SERPINA1: variants seen among roughly 807,000 people sequenced by gnomAD.
The protein encoded by SERPINA1 is alpha-1-antitrypsin.
Under a neutral mutation model 25.4 loss-of-function variants are expected in SERPINA1, and 21 were observed. The ratio of observed to expected loss-of-function variants is 0.83; its 90% CI spans 0.59 to 1.19. The LOEUF (loss-of-function observed/expected upper bound fraction) is 1.19. Among genes scored for constraint, SERPINA1 ranks in the 50% most tolerant of loss-of-function variants. SERPINA1 has a pLI of 0.00. For synonymous variants in SERPINA1, 218 were observed against 211.1 expected, an observed-to-expected ratio of 1.03 and a Z score of -0.29; for missense variants, 546 against 509.0, an observed-to-expected ratio of 1.07 and a Z score of -0.70.
At position 94,380,729 on chromosome 14, in the gene SERPINA1, G is replaced by A. The variant is rs1595606683; in HGVS notation, c.917+142C>T. The A allele has an allele frequency of 6.4e-6, 7 of 1,094,846 alleles. No individual in the cohort carries two copies. The East Asian group carries it at 1.7e-4, about 26-fold the overall frequency. 67.8% of individuals were successfully genotyped at this position (1,094,846 alleles called of 1,614,324 possible). On this transcript the variant is annotated intron_variant, in intron 3 of 4. Coordinates refer to ENST00000393087, the MANE Select transcript of SERPINA1 (RefSeq NM_000295.5). ...ACTCAGTGGTGGCCTCATTCTGGAA[G>A]CCAAGTTTATACAGAGTAGCAGTGA...
Position 94,383,080 on chromosome 14 carries a change from T to C in SERPINA1, c.158A>G (p.Asn53Ser), listed in dbSNP as rs758914650. 2 of 1,613,926 alleles carry C rather than the reference T, an allele frequency of 1.2e-6. No homozygotes were observed. Among genetic ancestry groups the C allele is most frequent in the African/African-American group, 1.3e-5 (1 of 74,974 alleles). Residue 53 changes from asparagine (N) to serine (S), a missense_variant, in exon 2 of 5, where the codon AAC becomes AGC. By Grantham distance (46) the Asn-to-Ser change is conservative. Coordinates refer to ENST00000393087, the MANE Select transcript of SERPINA1 (RefSeq NM_000295.5). ...TAGGCTGAAGGCGAACTCAGCCAGG[T>C]TGGGGGTGATCTTGTTGAAGGTTGG... The part of the protein sequence containing the change: ...DHPTFNKITP[N>S]LAEFAFSLYR...
upstream of SERPINA1, chr14:94,388,655 G>A (rs140228762): frequency 7.9e-5 from 12 of 152,576 alleles, no homozygotes; most frequent in East Asian, 1.7e-3. Flanking sequence ...GGGGCAACGG[G>A]GGAGGCTGCT....
chr14:94,383,472 C>G, intron 1 of SERPINA1: 1 of 582,098 alleles, frequency 1.7e-6, no homozygotes, highest in Non-Finnish European at 3.0e-6. Context: ...TCATTGCTTT[C>G]TTGTAACAAT....
intron 1 of SERPINA1, among the ~76,000 whole-genome samples, chr14:94,385,477 T>C (rs993943770): frequency 2.6e-5 from 4 of 152,232 alleles, no homozygotes; most frequent in Non-Finnish European, 5.9e-5. Flanking sequence ...TACAGGCGTG[T>C]GCCACCACGC....
chr14:94,379,559 T>C lies in SERPINA1; in HGVS notation c.970A>G (p.Lys324Glu). The change falls in exon 4 of 5, where the codon AAG becomes GAG. Residue 324 changes from lysine to glutamate, a missense_variant. Coordinates refer to ENST00000393087, the MANE Select transcript of SERPINA1 (RefSeq NM_000295.5). ...ATGCCCAGTTGACCCAGGACGCTCT[T>C]CAGATCATAGGTTCCAGTAATGGAC... ...KLSITGTYDL[K>E]SVLGQLGITK... 1 of 1,614,186 alleles carries C rather than the reference T, an allele frequency of 6.2e-7. No homozygotes were observed. Among genetic ancestry groups the C allele is most frequent in the South Asian group, 1.1e-5 (1 of 91,082 alleles).
At chr14:94,379,308 T>C in intron 4 of SERPINA1, 156 bp downstream of exon 4, 5 of 1,130,278 alleles carry the variant, frequency 4.4e-6, no homozygotes, top group Non-Finnish European at 5.3e-6. Context: ...TTTGACCACG[T>C]CCCGTGTCAG....
At position 94,378,330 on chromosome 14, in the gene SERPINA1, A is replaced by C; in HGVS notation, c.*119T>G. The C allele has an allele frequency of 1.1e-6, 1 of 890,780 alleles. No individual in the cohort carries two copies. Among genetic ancestry groups the C allele is most frequent in the Non-Finnish European group, 1.8e-6 (1 of 548,004 alleles). The allele number at this position is 890,780 out of a possible 1,614,324, so 55.2% of individuals were successfully genotyped here. ...AGCCTCAGCAGGCAAAGGGAGACTC[A>C]GAGAAAACATGGGAGGGATTTACAG... On this transcript the variant is annotated 3_prime_UTR_variant, in exon 5 of 5. Transcript: ENST00000393087.
chr14:94,377,384 T>C lies in SERPINA1; in HGVS notation c.*1065A>G, dbSNP rs2139658961. The C allele has an allele frequency of 6.6e-6, 1 of 152,416 alleles. No homozygotes were observed. Among genetic ancestry groups the C allele is most frequent in the East Asian group, 1.9e-4 (1 of 5,182 alleles). 9.4% of individuals were successfully genotyped at this position (152,416 alleles called of 1,614,324 possible). A position where few individuals can be genotyped will look rare whatever the true frequency, so the allele number is the denominator to read the frequency against. ...CAGGGGCTATTCAGGAACAGCCTCCTGCCGTGGCACTGGAGCTGCGGTGGC... is the reference window on the plus strand; with the variant it reads ...CAGGGGCTATTCAGGAACAGCCTCCCGCCGTGGCACTGGAGCTGCGGTGGC... On this transcript the variant is annotated 3_prime_UTR_variant, in exon 5 of 5. Coordinates refer to ENST00000393087, the MANE Select transcript of SERPINA1 (RefSeq NM_000295.5).
rs1896841725 is a variant in SERPINA1 at position 94,380,759 on chromosome 14, G to A, written c.917+112C>T. ...GTTTATACAGAGTAGCAGTGACCCA[G>A]GGATGTGGGGTTCACCCTCCTCAGC... On this transcript the variant is annotated intron_variant, in intron 3 of 4. Coordinates refer to ENST00000393087, the MANE Select transcript of SERPINA1 (RefSeq NM_000295.5). 3 of 1,371,892 alleles carry A rather than the reference G, an allele frequency of 2.2e-6. No homozygotes were observed. The African/African-American group carries it at 4.3e-5, about 20-fold the overall frequency. 85.0% of individuals were successfully genotyped at this position (1,371,892 alleles called of 1,614,324 possible). A position where few individuals can be genotyped will look rare whatever the true frequency, so the allele number is the denominator to read the frequency against.
chr14:94,379,124 G>C (rs771638920), intron 4 of SERPINA1: 5 of 578,852 alleles, frequency 8.6e-6, no homozygotes, highest in African/African-American at 3.7e-5. Context: ...GATCGAAGGA[G>C]TCAGAAATTC....
chr14:94,378,331 G>A lies in SERPINA1; in HGVS notation c.*118C>T, dbSNP rs1421241503. ...GCCTCAGCAGGCAAAGGGAGACTCA[G>A]AGAAAACATGGGAGGGATTTACAGT... On this transcript the variant is annotated 3_prime_UTR_variant, in exon 5 of 5. Transcript: ENST00000393087. The A allele has an allele frequency of 6.6e-6, 6 of 906,044 alleles. No homozygotes were observed. The highest frequency in any genetic ancestry group is 1.6e-5 in the African/African-American group (1 of 61,572). The allele number at this position is 906,044 out of a possible 1,614,324, so 56.1% of individuals were successfully genotyped here. A position where few individuals can be genotyped will look rare whatever the true frequency, so the allele number is the denominator to read the frequency against.
At position 94,381,029 on chromosome 14, in the gene SERPINA1, G is replaced by A. The variant is rs761185661; in HGVS notation, c.759C>T (p.Ile253=). The A allele has an allele frequency of 1.9e-6, 3 of 1,614,060 alleles. No individual in the cohort carries two copies. Among genetic ancestry groups the A allele is most frequent in the African/African-American group, 2.7e-5 (2 of 74,986 alleles). Reference sequence around the variant, plus strand: ...AGCTGGACAGCTTCTTACAGTGCTGGATGTTAAACATGCCTAAACGCTTCA... The same window carrying A: ...AGCTGGACAGCTTCTTACAGTGCTGAATGTTAAACATGCCTAAACGCTTCA... ...PMMKRLGMFN[I]QHCKKLSSWV... The change falls in exon 3 of 5, where the codon ATC becomes ATT. Residue 253 remains isoleucine (I), a synonymous_variant. Transcript: ENST00000393087.
chr14:94,381,918 C>T (rs1896954417), intron 2 of SERPINA1, among the ~76,000 whole-genome samples: 1 of 150,844 alleles, frequency 6.6e-6, no homozygotes, highest in Non-Finnish European at 1.5e-5. Context: ...ATGCTGTTTT[C>T]CTGGGACAGT....
chr14:94,383,220 C>T lies in SERPINA1; in HGVS notation c.18G>A (p.Ser6=), dbSNP rs1343069141. Reference sequence around the variant, plus strand: ...GGCCTGCCAGCAGGAGGATGCCCCACGAGACAGAAGACGGCATTGTCCTGC... The same window carrying T: ...GGCCTGCCAGCAGGAGGATGCCCCATGAGACAGAAGACGGCATTGTCCTGC... MPSSV[S]WGILLLAGLC... is the part of the protein sequence containing the mutation. The change falls in exon 2 of 5, where the codon TCG becomes TCA. Residue 6 remains serine, a synonymous_variant. Coordinates refer to ENST00000393087, the MANE Select transcript of SERPINA1 (RefSeq NM_000295.5). 8.7e-6 allele frequency: 14 copies of T among 1,613,194 alleles called. No homozygotes were observed. The Middle Eastern group carries it at 4.9e-4, about 57-fold the overall frequency.
chr14:94,387,513 C>T (rs938620609), intron 1 of SERPINA1, among the ~76,000 whole-genome samples: 3 of 152,026 alleles, frequency 2.0e-5, no homozygotes, highest in Non-Finnish European at 4.4e-5. Flanking sequence ...AGATCAAGGT[C>T]GGGTGGGGTG....
intron 1 of SERPINA1, among the ~76,000 whole-genome samples, chr14:94,386,146 G>A (rs577437978): frequency 6.6e-6 from 1 of 152,322 alleles, no homozygotes; most frequent in South Asian, 2.1e-4. Context: ...ACTCCTAAAA[G>A]CTAGTGCCTG....
In SERPINA1 at chr14:94,383,085, G is replaced by A. The variant is rs1595614683; in HGVS notation, c.153C>T (p.Thr51=). 1.2e-6 allele frequency: 2 copies of A among 1,614,234 alleles called. No homozygotes were observed. The highest frequency in any genetic ancestry group is 1.1e-5 in the South Asian group (1 of 91,086). ...DQDHPTFNKI[T]PNLAEFAFSL... is the part of the protein sequence containing the mutation. Reference sequence around the variant, plus strand: ...TGAAGGCGAACTCAGCCAGGTTGGGGGTGATCTTGTTGAAGGTTGGGTGAT... The same window carrying A: ...TGAAGGCGAACTCAGCCAGGTTGGGAGTGATCTTGTTGAAGGTTGGGTGAT... The change falls in exon 2 of 5, where the codon ACC becomes ACT. Residue 51 remains threonine (T), a synonymous_variant. Coordinates refer to ENST00000393087, the MANE Select transcript of SERPINA1 (RefSeq NM_000295.5).
Position 94,378,209 on chromosome 14 carries a change from CT to C in SERPINA1, c.*239del. 1.7e-6 allele frequency: 1 copy of C among 587,252 alleles called. No homozygotes were observed. The highest frequency in any genetic ancestry group is 3.0e-6 in the Non-Finnish European group (1 of 330,542). The allele number at this position is 587,252 out of a possible 1,614,324, so 36.4% of individuals were successfully genotyped here. A position where few individuals can be genotyped will look rare whatever the true frequency, so the allele number is the denominator to read the frequency against. The stretch of plus-strand genomic sequence containing the variant: ...CCGTAAGCTGAGGATTCAGTCCCCC[CT>C]GGATTCAAGCCCAGCATGTGCCTAC... On this transcript the variant is annotated 3_prime_UTR_variant, in exon 5 of 5. Coordinates refer to ENST00000393087, the MANE Select transcript of SERPINA1 (RefSeq NM_000295.5).
chr14:94,386,282 T>A (rs984385709), intron 1 of SERPINA1, among the ~76,000 whole-genome samples: 1 of 151,998 alleles, frequency 6.6e-6, no homozygotes, highest in African/African-American at 2.4e-5. Flanking sequence ...TCGGGGCAGG[T>A]GGGAGCACTC....
Sources: allele counts gnomAD v4.1 joint callset (sites outside exome capture counted in the v4.1 genomes callset), GRCh38; gene constraint gnomAD v4.1.1; transcripts MANE v1.5; gene names NCBI Gene and HGNC (gene_info 2026-07-23, HGNC 2026-07-21).